Variants in MAST2 observed in about 807,000 individuals in gnomAD.
MAST2 encodes the protein microtubule-associated serine/threonine-protein kinase 2.
MAST2 carries 70 observed loss-of-function variants against 147.4 expected under a neutral mutation model. That is an observed-to-expected ratio of 0.47 (90% CI 0.39 to 0.58). The LOEUF (loss-of-function observed/expected upper bound fraction) is 0.58. MAST2 is among the 20% of genes least tolerant of loss of function. MAST2 has a pLI of 0.00. For synonymous variants in MAST2, 869 were observed against 896.8 expected, an observed-to-expected ratio of 0.97 and a Z score of 0.55; for missense variants, 2,080 against 2,302.3, an observed-to-expected ratio of 0.90 and a Z score of 1.98.
intron 4 of MAST2, among the ~76,000 whole-genome samples, chr1:45,940,317 T>A (rs1657053782): frequency 1.3e-5 from 2 of 151,994 alleles, no homozygotes; most frequent in Admixed American, 1.3e-4. Flanking sequence ...AAATTTTCTT[T>A]TAGTGTTTCA....
chr1:46,016,077 CAT>C (rs1341355385), intron 10 of MAST2, among the ~76,000 whole-genome samples: 1 of 151,890 alleles, frequency 6.6e-6, no homozygotes, highest in Non-Finnish European at 1.5e-5. Flanking sequence ...ACAAAAACCA[CAT>C]GATTATCTCA....
At chr1:46,015,386 G>T (rs1308075596) in intron 10 of MAST2, among the ~76,000 whole-genome samples, 1 of 152,140 alleles carries the variant, frequency 6.6e-6, no homozygotes, top group East Asian at 1.9e-4. Context: ...GAATCCAGGA[G>T]CTGGTTTTTT....
At chr1:45,853,706 T>C (rs929330030) in intron 3 of MAST2, among the ~76,000 whole-genome samples, 9 of 152,160 alleles carry the variant, frequency 5.9e-5, no homozygotes, top group Admixed American at 2.6e-4. Context: ...TACCTTTATG[T>C]GTACAATCTC....
chr1:45,829,415 A>G (rs773710080), intron 2 of MAST2, 24 bp from the exon 3 acceptor site: 13 of 1,596,304 alleles, frequency 8.1e-6, no homozygotes, highest in Non-Finnish European at 1.1e-5. Context: ...TTACATGTAT[A>G]TTTTCCAAAC....
chr1:45,956,487 T>C (rs1659679864), intron 4 of MAST2, among the ~76,000 whole-genome samples: 1 of 152,228 alleles, frequency 6.6e-6, no homozygotes, highest in Non-Finnish European at 1.5e-5. Context: ...AGCATTTCCC[T>C]GAATAAGTGG....
chr1:45,859,091 G>A (rs532251426), intron 3 of MAST2, among the ~76,000 whole-genome samples: 46 of 152,226 alleles, frequency 3.0e-4, no homozygotes, highest in African/African-American at 8.4e-4. Flanking sequence ...TTGGCAATGC[G>A]GGCCCTTTTT....
intron 4 of MAST2, 131 bp from the exon 5 acceptor site, chr1:45,959,255 C>G (rs1342227527): frequency 3.3e-6 from 2 of 612,042 alleles, no homozygotes; most frequent in Non-Finnish European, 5.8e-6. Context: ...AATTGCTGAC[C>G]CAGTTCAGTT....
chr1:45,921,637 C>T (rs920253057), intron 4 of MAST2, among the ~76,000 whole-genome samples: 15 of 152,304 alleles, frequency 9.8e-5, no homozygotes, highest in Admixed American at 3.9e-4. Context: ...CCAGGCGCCA[C>T]GCAAGCAACT....
At chr1:45,816,221 A>AAGAGAGAGAGAGAGAGAGAGAGAG (rs144287036) in intron 1 of MAST2, among the ~76,000 whole-genome samples, 1 of 134,738 alleles carries the variant, frequency 7.4e-6, no homozygotes, top group Non-Finnish European at 1.6e-5. Context: ...GAGAGAGAGA[A>AAGAGAGAGAGAGAGAGAGAGAGAG]AGAGAGAGAG....
Position 45,816,780 on chromosome 1 carries a change from C to T in MAST2, c.178-7653C>T, listed in dbSNP as rs368287409. 5.9e-4 allele frequency among the ~76,000 whole-genome samples: 90 copies of T among 152,238 alleles called. No individual in the cohort carries two copies. In the East Asian group the frequency reaches 0.013, roughly 22 times the overall value. On this transcript the variant is annotated intron_variant, in intron 1 of 28. Transcript: ENST00000361297. ...GCAACCTCTGCCTCCCAGGTTCAAG[C>T]GATTCTCCTGGCTCAGCCTCCCAAG...
Position 46,034,570 on chromosome 1 carries a change from AG to A in MAST2, c.3902del (p.Ser1301ThrfsTer70). 6.2e-7 allele frequency: 1 copy of A among 1,613,820 alleles called. No homozygotes were observed. The highest frequency in any genetic ancestry group is 8.5e-7 in the Non-Finnish European group (1 of 1,179,932). On this transcript the variant is annotated frameshift_variant, in exon 29 of 29. Transcript: ENST00000361297. LOFTEE classifies it low-confidence loss of function (END_TRUNC). ...GGNSSQSSSP[S>X]SSVPSSPAGS... ...GAATTCATCACAGAGCAGCTCCCCCAGCTCCAGCGTGCCCAGTTCCCCAGCC... is the reference window on the plus strand; with the variant it reads ...GAATTCATCACAGAGCAGCTCCCCCACTCCAGCGTGCCCAGTTCCCCAGCC...
chr1:45,978,507 C>T (rs1278230402), intron 5 of MAST2, among the ~76,000 whole-genome samples: 1 of 152,114 alleles, frequency 6.6e-6, no homozygotes, highest in African/African-American at 2.4e-5. Flanking sequence ...CAGAGCGAGA[C>T]TCTGTCTCAA....
intron 8 of MAST2, chr1:46,006,668 T>G (rs1017640860): frequency 1.7e-5 from 4 of 241,236 alleles, no homozygotes; most frequent in Non-Finnish European, 1.6e-5. Flanking sequence ...GCATAATACA[T>G]TGGCCAGCTT....
At chr1:45,824,341 TGTA>T in intron 1 of MAST2, 89 bp from the exon 2 acceptor site, 1 of 924,576 alleles carries the variant, frequency 1.1e-6, no homozygotes, top group Non-Finnish European at 1.5e-6. Context: ...ACTTTTAAAT[TGTA>T]GTGAATGCTG....
chr1:45,889,002 A>G (rs1042188307), intron 4 of MAST2, among the ~76,000 whole-genome samples: 9 of 151,478 alleles, frequency 5.9e-5, no homozygotes, highest in Admixed American at 2.6e-4. Context: ...TTATACTACC[A>G]CTGGTTTGTC....
intron 3 of MAST2, among the ~76,000 whole-genome samples, chr1:45,865,867 T>C (rs1014653723): frequency 6.6e-6 from 1 of 152,212 alleles, no homozygotes; most frequent in Non-Finnish European, 1.5e-5. Flanking sequence ...GCAAGCCAGC[T>C]TCTAGTCTAT....
intron 3 of MAST2, among the ~76,000 whole-genome samples, chr1:45,873,185 T>C (rs1277347588): frequency 7.4e-6 from 1 of 135,208 alleles, no homozygotes; most frequent in Non-Finnish European, 1.6e-5. Context: ...AGTTTCTTCT[T>C]CCTATTTTTT....
At chr1:45,844,179 A>C (rs754791573) in intron 3 of MAST2, among the ~76,000 whole-genome samples, 1 of 151,940 alleles carries the variant, frequency 6.6e-6, no homozygotes, top group Non-Finnish European at 1.5e-5. Flanking sequence ...GGCTCACCGC[A>C]GTGTCAACCT....
intron 4 of MAST2, among the ~76,000 whole-genome samples, chr1:45,941,613 G>A (rs918882891): frequency 6.6e-6 from 1 of 152,104 alleles, no homozygotes. Context: ...GGATTGTTTT[G>A]TGTGTGAATG....
Sources: gnomAD v4.1 joint callset for allele counts (sites outside exome capture counted in the v4.1 genomes callset) on GRCh38, gnomAD v4.1.1 for gene constraint, MANE v1.5 for transcripts, NCBI Gene and HGNC (gene_info 2026-07-23, HGNC 2026-07-21) for gene names.